Variants in BRINP1 observed in about 807,000 individuals in gnomAD.
BRINP1 encodes BMP/retinoic acid inducible neural specific 1.
Under a neutral mutation model 72.9 loss-of-function variants are expected in BRINP1, and 17 were observed. The ratio of observed to expected loss-of-function variants is 0.23; its 90% CI spans 0.16 to 0.35. BRINP1 has a LOEUF of 0.35. Ranked by LOEUF, BRINP1 falls within the 10% of genes least tolerant of loss-of-function variation. The pLI, the probability that BRINP1 is intolerant of heterozygous loss-of-function variation, is 1.00. For synonymous variants in BRINP1, 418 were observed against 378.5 expected (o/e 1.10, Z -1.21); for missense variants, 850 against 1,001.6 (o/e 0.85, Z 2.04).
intron 2 of BRINP1, among the ~76,000 whole-genome samples, chr9:119,277,292 T>C (rs1221442007): frequency 3.9e-5 from 6 of 152,200 alleles, no homozygotes; most frequent in Admixed American, 3.9e-4. Context: ...TTTCGTCCAA[T>C]GCATTGGCTT....
At chr9:119,262,436 A>G (rs1830505238) in intron 2 of BRINP1, among the ~76,000 whole-genome samples, 1 of 151,912 alleles carries the variant, frequency 6.6e-6, no homozygotes, top group South Asian at 2.1e-4. Context: ...GTTCAAGACC[A>G]GCCTGGCCAA....
intron 5 of BRINP1, among the ~76,000 whole-genome samples, chr9:119,229,918 C>T (rs1830130845): frequency 6.6e-6 from 1 of 151,828 alleles, no homozygotes; most frequent in Non-Finnish European, 1.5e-5. Context: ...TGTATTGTGC[C>T]AGAGAGAGAG....
At chr9:119,249,972 G>A (rs1269590133) in intron 2 of BRINP1, among the ~76,000 whole-genome samples, 2 of 133,768 alleles carry the variant, frequency 1.5e-5, no homozygotes, top group African/African-American at 3.0e-5. Flanking sequence ...GAGGGAGGGA[G>A]GGAAGAAGGA....
At chr9:119,316,972 T>C (rs1050490876) in intron 1 of BRINP1, among the ~76,000 whole-genome samples, 3 of 151,838 alleles carry the variant, frequency 2.0e-5, no homozygotes, top group Non-Finnish European at 2.9e-5. Flanking sequence ...GCACCTGTAG[T>C]CCCAGCTACT....
intron 7 of BRINP1, among the ~76,000 whole-genome samples, chr9:119,170,733 A>T (rs1178556135): frequency 7.7e-6 from 1 of 130,074 alleles, no homozygotes; most frequent in Non-Finnish European, 1.6e-5. Context: ...GCCAGAGAGA[A>T]AGGTCGGGTT....
In BRINP1 at chr9:119,368,008, A is replaced by C. The variant is rs1831713622; in HGVS notation, c.-51+1048T>G. Among the ~76,000 whole-genome samples, 1 of 152,112 alleles carries C rather than the reference A, an allele frequency of 6.6e-6. No individual in the cohort carries two copies. The highest frequency in any genetic ancestry group is 1.5e-5 in the Non-Finnish European group (1 of 68,022). Reference sequence around the variant, plus strand: ...TCTGTCTTAGGAAAGTGCCCCATCCATCTCCTTCCATATCATCCACAGCCG... The same window carrying C: ...TCTGTCTTAGGAAAGTGCCCCATCCCTCTCCTTCCATATCATCCACAGCCG... On this transcript the variant is annotated intron_variant, in intron 1 of 7. Coordinates refer to ENST00000265922, the MANE Select transcript of BRINP1 (RefSeq NM_014618.3). This position sits in a 1 kb window ranked among gnomAD's most constrained non-coding sequence, Gnocchi z 4.7.
intron 7 of BRINP1, among the ~76,000 whole-genome samples, chr9:119,176,094 C>A (rs1233659454): frequency 6.6e-6 from 1 of 152,126 alleles, no homozygotes; most frequent in African/African-American, 2.4e-5. Flanking sequence ...TCAATAAAAG[C>A]GGTTGTTATT....
chr9:119,309,833 A>G (rs1388795069), intron 2 of BRINP1, among the ~76,000 whole-genome samples: 1 of 152,126 alleles, frequency 6.6e-6, no homozygotes, highest in Non-Finnish European at 1.5e-5. Flanking sequence ...ATAGGAGGAT[A>G]TATGTTTGTA....
At chr9:119,319,592 A>T (rs1223784991) in intron 1 of BRINP1, among the ~76,000 whole-genome samples, 1 of 152,230 alleles carries the variant, frequency 6.6e-6, no homozygotes, top group Non-Finnish European at 1.5e-5. Context: ...TGAGAGTCAC[A>T]TTATTGGTAT....
chr9:119,352,466 C>T (rs1272467633), intron 1 of BRINP1, among the ~76,000 whole-genome samples: 1 of 152,084 alleles, frequency 6.6e-6, no homozygotes, highest in Non-Finnish European at 1.5e-5. Flanking sequence ...TAAAGTCTCA[C>T]TTTGTCACCC....
rs771146793 is a variant in BRINP1, at chr9:119,353,556, TTAA to T, written c.-51+15497_-51+15499del. Among the ~76,000 whole-genome samples, 10 of 152,294 alleles carry T rather than the reference TTAA, an allele frequency of 6.6e-5. No individual in the cohort carries two copies. The South Asian group carries it at 1.7e-3, about 25-fold the overall frequency. The stretch of plus-strand genomic sequence containing the variant: ...TTTATTCCACGTCTGCTTTATGTTC[TTAA>T]TAATAATAAAAATATCATCATGAGA... On this transcript the variant is annotated intron_variant, in intron 1 of 7. Transcript: ENST00000265922.
intron 1 of BRINP1, among the ~76,000 whole-genome samples, chr9:119,318,820 C>T (rs978333084): frequency 5.5e-4 from 81 of 148,116 alleles, no homozygotes; most frequent in South Asian, 1.5e-3. Flanking sequence ...GGAACAAGGT[C>T]ATACATGGAA....
At position 119,251,481 on chromosome 9, in the gene BRINP1, G is replaced by A. The variant is rs117259795; in HGVS notation, c.219-2331C>T. 8.6e-3 allele frequency among the ~76,000 whole-genome samples: 1,311 copies of A among 152,268 alleles called. 14 individuals carry two copies. The highest frequency in any genetic ancestry group is 0.017 in the Middle Eastern group (5 of 294). Reference sequence around the variant, plus strand: ...AAAAACAGCCAGAATGGTGGTGCACGCCTGTAGCCCCAGCCACTCAGGTGG... The same window carrying A: ...AAAAACAGCCAGAATGGTGGTGCACACCTGTAGCCCCAGCCACTCAGGTGG... On this transcript the variant is annotated intron_variant, in intron 2 of 7. Coordinates refer to ENST00000265922, the MANE Select transcript of BRINP1 (RefSeq NM_014618.3).
In BRINP1 at chr9:119,166,863, C is replaced by A; in HGVS notation, c.*221G>T. ...CAATGCTCCACAAAAGGCTGAGACCCTTCTTCATGACAGAGTGAGTATAGA... is the reference window on the plus strand; with the variant it reads ...CAATGCTCCACAAAAGGCTGAGACCATTCTTCATGACAGAGTGAGTATAGA... On this transcript the variant is annotated 3_prime_UTR_variant, in exon 8 of 8. Transcript: ENST00000265922. The A allele has an allele frequency of 1.9e-6, 1 of 516,622 alleles. No individual in the cohort carries two copies. 32.0% of individuals were successfully genotyped at this position (516,622 alleles called of 1,614,324 possible).
intron 5 of BRINP1, among the ~76,000 whole-genome samples, chr9:119,236,362 C>G (rs972983914): frequency 8.5e-5 from 13 of 152,122 alleles, no homozygotes; most frequent in Admixed American, 8.5e-4. Flanking sequence ...AAGTCTTATA[C>G]ACTAGCTGTT....
At chr9:119,171,882 ACTG>A (rs1261655274) in intron 7 of BRINP1, among the ~76,000 whole-genome samples, 9 of 121,018 alleles carry the variant, frequency 7.4e-5, no homozygotes, top group African/African-American at 3.3e-4. Context: ...CTGAATGACT[ACTG>A]GGTACATAAC....
chr9:119,266,668 C>G (rs1457080570), intron 2 of BRINP1, among the ~76,000 whole-genome samples: 1 of 152,212 alleles, frequency 6.6e-6, no homozygotes, highest in African/African-American at 2.4e-5. Flanking sequence ...CTCCTACCCT[C>G]AGTCTCTGGT....
intron 5 of BRINP1, among the ~76,000 whole-genome samples, chr9:119,235,510 C>T (rs1378283671): frequency 2.0e-5 from 3 of 152,120 alleles, no homozygotes; most frequent in African/African-American, 4.8e-5. Context: ...TATGCTATCT[C>T]GTGCCATATA....
intron 7 of BRINP1, among the ~76,000 whole-genome samples, chr9:119,180,479 ATGTGTG>A (rs112009324): frequency 0.093 from 12,337 of 132,120 alleles, 606 homozygotes; most frequent in Admixed American, 0.15. Context: ...CTCTCTGTGC[ATGTGTG>A]TGTGTGTGTG....
Sources: gnomAD v4.1 joint callset for allele counts (sites outside exome capture counted in the v4.1 genomes callset) on GRCh38, gnomAD v4.1.1 for gene constraint, Gnocchi (gnomAD v3.1) non-coding constraint, MANE v1.5 for transcripts, NCBI Gene and HGNC (gene_info 2026-07-23, HGNC 2026-07-21) for gene names.